The following PIK3R4 variants were observed in gnomAD, a reference collection of about 807,000 sequenced individuals.
PIK3R4 encodes phosphoinositide 3-kinase regulatory subunit 4.
A neutral mutation model predicts 136.5 loss-of-function variants in PIK3R4; 46 were observed. That is an observed-to-expected ratio of 0.34 (90% CI 0.27 to 0.43). The LOEUF is 0.43. Among genes scored for constraint, PIK3R4 ranks in the 20% least tolerant of loss-of-function variants. The pLI, the probability that PIK3R4 is intolerant of heterozygous loss-of-function variation, is 1.00. For synonymous variants in PIK3R4, 557 were observed against 566.7 expected (o/e 0.98, Z 0.24); for missense variants, 1,331 against 1,649.5 (o/e 0.81, Z 3.35).
In PIK3R4 at chr3:130,745,231, C is replaced by T. The variant is rs1222538208; in HGVS notation, c.-13G>A. 4 of 1,578,156 alleles carry T rather than the reference C, an allele frequency of 2.5e-6. No individual in the cohort carries two copies. Among genetic ancestry groups the T allele is most frequent in the East Asian group, 2.2e-5 (1 of 44,708 alleles). On this transcript the variant is annotated 5_prime_UTR_variant, in exon 2 of 20. Transcript: ENST00000356763. ...GCTGATTTCCCATAATGGCAAGCACCTCTGTGGTCTTTAGTAAGGTTAGGA... is the reference window on the plus strand; with the variant it reads ...GCTGATTTCCCATAATGGCAAGCACTTCTGTGGTCTTTAGTAAGGTTAGGA...
At chr3:130,726,882 AG>A (rs1481472279) in intron 6 of PIK3R4, among the ~76,000 whole-genome samples, 1 of 152,198 alleles carries the variant, frequency 6.6e-6, no homozygotes, top group East Asian at 1.9e-4. Flanking sequence ...GAAGAAGAAG[AG>A]AGCAAGCAAG....
In PIK3R4 at chr3:130,690,634, C is replaced by A; in HGVS notation, c.3119G>T (p.Arg1040Leu). 1.2e-6 allele frequency: 2 copies of A among 1,607,064 alleles called. No individual in the cohort carries two copies. Among genetic ancestry groups the A allele is most frequent in the Non-Finnish European group, 1.7e-6 (2 of 1,174,742 alleles). Residue 1040 changes from arginine to leucine, a missense_variant, in exon 14 of 20, where the codon CGA becomes CTA. Around this residue, in one of 2 missense-constraint regions of PIK3R4, gnomAD observed 1,180 missense variants for 1,407.0 expected, o/e 0.84. Transcript: ENST00000356763. ...TTTRSILTYS[R>L]IGGRVKTLTF... Reference sequence around the variant, plus strand: ...GAGCGTCTTGACTCGTCCTCCAATTCGGCTGTATGTAAGAATAGATCTGAA... The same window carrying A: ...GAGCGTCTTGACTCGTCCTCCAATTAGGCTGTATGTAAGAATAGATCTGAA...
intron 3 of PIK3R4, among the ~76,000 whole-genome samples, chr3:130,734,655 G>T (rs1331846688): frequency 6.6e-6 from 1 of 152,120 alleles, no homozygotes; most frequent in Non-Finnish European, 1.5e-5. Flanking sequence ...GGGAATCAGT[G>T]GCTTAAAGTT....
At chr3:130,719,910 T>C (rs1236972884) in intron 7 of PIK3R4, among the ~76,000 whole-genome samples, 1 of 152,162 alleles carries the variant, frequency 6.6e-6, no homozygotes, top group Non-Finnish European at 1.5e-5. Context: ...CATGAGAACA[T>C]GATGTGGGTA....
At chr3:130,735,367 C>T (rs780746401) in intron 3 of PIK3R4, among the ~76,000 whole-genome samples, 13 of 152,202 alleles carry the variant, frequency 8.5e-5, no homozygotes, top group Non-Finnish European at 1.3e-4. Context: ...CGACTCCTCA[C>T]GCCCATTCTG....
chr3:130,681,202 G>A (rs901098929), intron 17 of PIK3R4, 137 bp from the exon 18 acceptor site: 47 of 684,698 alleles, frequency 6.9e-5, no homozygotes, highest in South Asian at 1.7e-5. Flanking sequence ...GACCAGTTAT[G>A]TATGCCCTAT....
At chr3:130,735,072 T>C (rs758441501) in intron 3 of PIK3R4, among the ~76,000 whole-genome samples, 1 of 152,172 alleles carries the variant, frequency 6.6e-6, no homozygotes, top group Admixed American at 6.5e-5. Context: ...GTATGTGCCA[T>C]ACCCAAAGAC....
intron 7 of PIK3R4, among the ~76,000 whole-genome samples, chr3:130,719,003 A>T (rs2066683365): frequency 6.6e-6 from 1 of 152,202 alleles, no homozygotes; most frequent in Non-Finnish European, 1.5e-5. Context: ...GCTACAGCAT[A>T]AAGATTAAGG....
chr3:130,705,549 C>T lies in PIK3R4; in HGVS notation c.2932+12G>A, dbSNP rs7652761. The T allele has an allele frequency of 0.25, 385,969 of 1,570,834 alleles. 58,299 individuals carry two copies. Among genetic ancestry groups the T allele is most frequent in the African/African-American group, 0.67 (49,237 of 73,844 alleles). On this transcript the variant is annotated intron_variant, in intron 12 of 19. Coordinates refer to ENST00000356763, the MANE Select transcript of PIK3R4 (RefSeq NM_014602.3). Reference sequence around the variant, plus strand: ...AGACTAGACTACAACTACTTATCAACGGAACTTTTACCAGGTGGTGGTGGT... The same window carrying T: ...AGACTAGACTACAACTACTTATCAATGGAACTTTTACCAGGTGGTGGTGGT...
intron 17 of PIK3R4, 62 bp from the exon 18 acceptor site, chr3:130,681,127 C>CTAT (rs768182425): frequency 3.6e-5 from 34 of 945,874 alleles, no homozygotes; most frequent in Admixed American, 1.0e-4. Context: ...AATGATAGTG[C>CTAT]TATTTCTAGA....
intron 11 of PIK3R4, among the ~76,000 whole-genome samples, chr3:130,706,315 C>T (rs2066605981): frequency 6.6e-6 from 1 of 152,186 alleles, no homozygotes; most frequent in Non-Finnish European, 1.5e-5. Context: ...CAGAACCTTA[C>T]ATTAGCCAAC....
At chr3:130,720,347 T>C (rs971592906) in intron 7 of PIK3R4, among the ~76,000 whole-genome samples, 31 of 152,236 alleles carry the variant, frequency 2.0e-4, no homozygotes, top group African/African-American at 7.2e-4. Flanking sequence ...AGACATGCGC[T>C]GCCAAGCCTG....
chr3:130,737,290 T>C (rs2066791542), intron 2 of PIK3R4, among the ~76,000 whole-genome samples: 2 of 152,166 alleles, frequency 1.3e-5, no homozygotes, highest in Admixed American at 6.5e-5. Flanking sequence ...TTTTCCCCCA[T>C]AGCAACAACT....
intron 13 of PIK3R4, among the ~76,000 whole-genome samples, chr3:130,703,120 C>T (rs373473377): frequency 9.2e-5 from 14 of 152,264 alleles, no homozygotes; most frequent in East Asian, 7.7e-4. Context: ...ACTCAGATGA[C>T]ATCTCTCCTC....
At chr3:130,737,247 C>A (rs2066791134) in intron 2 of PIK3R4, among the ~76,000 whole-genome samples, 1 of 152,214 alleles carries the variant, frequency 6.6e-6, no homozygotes, top group South Asian at 2.1e-4. Flanking sequence ...ACACCCCTCA[C>A]CGGACACATT....
In PIK3R4 at chr3:130,746,805, C is replaced by T. The variant is rs968316390; in HGVS notation, c.-534G>A. ...TGCAGCCCCAGCAAACGCCGAACTC[C>T]CGGGAAAGCAACCGGTCTGACCTCA... On this transcript the variant is annotated 5_prime_UTR_variant, in exon 1 of 20. Coordinates refer to ENST00000356763, the MANE Select transcript of PIK3R4 (RefSeq NM_014602.3). 6.6e-6 allele frequency: 1 copy of T among 152,284 alleles called. No homozygotes were observed. The highest frequency in any genetic ancestry group is 1.5e-5 in the Non-Finnish European group (1 of 68,080). The allele number at this position is 152,284 out of a possible 1,614,324, so 9.4% of individuals were successfully genotyped here. A position where few individuals can be genotyped will look rare whatever the true frequency, so the allele number is the denominator to read the frequency against.
At chr3:130,699,425 C>T (rs982667498) in intron 13 of PIK3R4, among the ~76,000 whole-genome samples, 2 of 152,146 alleles carry the variant, frequency 1.3e-5, no homozygotes, top group African/African-American at 4.8e-5. Flanking sequence ...TATGACCCCT[C>T]CACTGTCTAC....
At chr3:130,713,752 G>A (rs1218729027) in intron 9 of PIK3R4, among the ~76,000 whole-genome samples, 3 of 152,072 alleles carry the variant, frequency 2.0e-5, no homozygotes, top group African/African-American at 7.2e-5. Context: ...AGCTCAATGC[G>A]ACCTCTGCCT....
At chr3:130,727,261 C>A (rs578085018) in intron 6 of PIK3R4, among the ~76,000 whole-genome samples, 1 of 151,664 alleles carries the variant, frequency 6.6e-6, no homozygotes, top group Non-Finnish European at 1.5e-5. Context: ...CGCTCTTTCA[C>A]CCAGGCCTGA....
Sources: allele counts gnomAD v4.1 joint callset (sites outside exome capture counted in the v4.1 genomes callset), GRCh38; gene constraint gnomAD v4.1.1; regional missense constraint gnomAD v4.1.1; transcripts MANE v1.5; gene names NCBI Gene and HGNC (gene_info 2026-07-23, HGNC 2026-07-21).